TUBB8: variants seen among roughly 807,000 people sequenced by gnomAD.
The protein encoded by TUBB8 is tubulin beta 8 class VIII.
Under a neutral mutation model 33.7 loss-of-function variants are expected in TUBB8, and 25 were observed. The observed-to-expected ratio is 0.74, with a 90% CI of 0.54 to 1.04. The LOEUF is 1.04. Among genes scored for constraint, TUBB8 ranks in the 50% least tolerant of loss-of-function variants. The probability of loss-of-function intolerance (pLI) is 0.00; values close to 1 mark genes in which losing one functional copy is unlikely to be tolerated. For synonymous variants in TUBB8, 245 were observed against 240.1 expected (o/e 1.02, Z -0.19); for missense variants, 279 against 608.0 (o/e 0.46, Z 5.69).
chr10:64,256 T>C (rs1322816132), intron 1 of TUBB8, among the ~76,000 whole-genome samples: 3 of 151,886 alleles, frequency 2.0e-5, no homozygotes, highest in Non-Finnish European at 4.4e-5. Flanking sequence ...TTGGCTACCA[T>C]ATAAGTTTAT....
chr10:68,177 C>T (rs1230869304), intron 1 of TUBB8, among the ~76,000 whole-genome samples: 9 of 152,118 alleles, frequency 5.9e-5, no homozygotes, highest in African/African-American at 1.2e-4. Context: ...CACGGCATAT[C>T]GTAATACTGA....
At chr10:66,278 C>T (rs1428548527) in intron 1 of TUBB8, among the ~76,000 whole-genome samples, 4 of 152,200 alleles carry the variant, frequency 2.6e-5, no homozygotes, top group African/African-American at 7.2e-5. Flanking sequence ...TAGTAAACTA[C>T]AACACAAAAT....
chr10:48,490 T>A (rs1214555641), intron 3 of TUBB8, 125 bp downstream of exon 3: 3 of 931,722 alleles, frequency 3.2e-6, no homozygotes, highest in Non-Finnish European at 5.1e-6. Flanking sequence ...GCGACTCGAC[T>A]CGGAGGATAG....
At chr10:53,437 C>A (rs1239947865), upstream of TUBB8, among the ~76,000 whole-genome samples, 29 of 149,588 alleles carry the variant, frequency 1.9e-4, no homozygotes, top group South Asian at 6.3e-4. Flanking sequence ...CACAATGAGG[C>A]TTTTAAATAA....
intron 1 of TUBB8, among the ~76,000 whole-genome samples, chr10:62,228 T>C (rs1554740978): frequency 6.6e-6 from 1 of 152,254 alleles, no homozygotes; most frequent in Non-Finnish European, 1.5e-5. Flanking sequence ...TATTATCTAA[T>C]TTATTGCTTT....
intron 1 of TUBB8, among the ~76,000 whole-genome samples, chr10:60,778 T>G (rs1297353344): frequency 3.3e-5 from 5 of 152,142 alleles, no homozygotes; most frequent in Non-Finnish European, 2.9e-5. Flanking sequence ...TATGCACACG[T>G]ATGTTTATTG....
intron 1 of TUBB8, among the ~76,000 whole-genome samples, chr10:54,791 C>G (rs1473590109): frequency 1.3e-5 from 2 of 152,162 alleles, no homozygotes; most frequent in African/African-American, 4.8e-5. Flanking sequence ...TGAAGTCTTG[C>G]TCTGTCACCC....
intron 1 of TUBB8, among the ~76,000 whole-genome samples, chr10:71,372 C>T (rs1307385676): frequency 1.3e-5 from 2 of 152,138 alleles, no homozygotes; most frequent in Non-Finnish European, 2.9e-5. Flanking sequence ...GTAGCTCACA[C>T]CTGTAATCCC....
chr10:74,182 C>A (rs1419567616), upstream of TUBB8: 1 of 150,566 alleles, frequency 6.6e-6, no homozygotes, highest in Non-Finnish European at 1.5e-5. Flanking sequence ...TTCGCGCGCG[C>A]GCGGCCCTCC....
chr10:61,826 C>G (rs782260532), intron 1 of TUBB8, among the ~76,000 whole-genome samples: 1 of 140,506 alleles, frequency 7.1e-6, no homozygotes, highest in Non-Finnish European at 1.6e-5. Flanking sequence ...AAGAATTGAT[C>G]TCTTTATTAT....
rs1834356116 is a variant in TUBB8 at position 47,424 on chromosome 10, A to G, written c.968T>C (p.Met323Thr). 2 of 1,612,166 alleles carry G rather than the reference A, an allele frequency of 1.2e-6. No homozygotes were observed. The highest frequency in any genetic ancestry group is 1.7e-6 in the Non-Finnish European group (2 of 1,179,912). The change falls in exon 4 of 4, where the codon ATG (methionine) becomes ACG (threonine). Residue 323 changes from methionine (M) to threonine (T), a missense_variant. Physicochemically the swap from Met to Thr is moderately conservative, Grantham distance 81 (BLOSUM62 -1). Around this residue, in one of 4 missense-constraint regions of TUBB8, gnomAD observed 123 missense variants for 228.9 expected, o/e 0.54. Coordinates refer to ENST00000568584, the MANE Select transcript of TUBB8 (RefSeq NM_177987.3). ...AAAIFRGRMP[M>T]REVDEQMFNI... ...GAACATTTGTTCATCCACCTCCCTC[A>G]TGGGCATGCGACCCCTGAAAATGGC...
rs1834341042 is a variant in TUBB8, at chr10:47,009, A to G, written c.*48T>C. Reference sequence around the variant, plus strand: ...TAGTGACACATGGCTGTCAGAACACAGTAAAGAATCCACACTGCTTCCCCC... The same window carrying G: ...TAGTGACACATGGCTGTCAGAACACGGTAAAGAATCCACACTGCTTCCCCC... On this transcript the variant is annotated 3_prime_UTR_variant, in exon 4 of 4. Coordinates refer to ENST00000568584, the MANE Select transcript of TUBB8 (RefSeq NM_177987.3). 2 of 660,270 alleles carry G rather than the reference A, an allele frequency of 3.0e-6. No individual in the cohort carries two copies. Among genetic ancestry groups the G allele is most frequent in the Non-Finnish European group, 5.3e-6 (2 of 379,380 alleles). 40.9% of individuals were successfully genotyped at this position (660,270 alleles called of 1,614,324 possible).
At chr10:49,315 C>T (rs558699368), upstream of TUBB8, 40 of 1,479,220 alleles carry the variant, frequency 2.7e-5, no homozygotes, top group East Asian at 8.4e-4. Flanking sequence ...CCGCCCTCCG[C>T]CAACGTTTAA....
intron 2 of TUBB8, 35 bp from the exon 3 acceptor site, chr10:48,760 G>C (rs367665531): frequency 6.2e-7 from 1 of 1,606,978 alleles, no homozygotes; most frequent in South Asian, 1.1e-5. Context: ...CGAGGGGAGG[G>C]CCGCGTTCCC....
At chr10:59,380 G>A (rs571019285) in intron 1 of TUBB8, among the ~76,000 whole-genome samples, 1 of 152,208 alleles carries the variant, frequency 6.6e-6, no homozygotes, top group Admixed American at 6.5e-5. Flanking sequence ...GTAGATATGG[G>A]GTTTTGCCAC....
At chr10:52,495 G>C (rs1398708745), upstream of TUBB8, among the ~76,000 whole-genome samples, 26 of 152,230 alleles carry the variant, frequency 1.7e-4, no homozygotes, top group African/African-American at 2.4e-5. Flanking sequence ...GACATCCTCA[G>C]AAAACAAGAG....
chr10:47,450 A>T lies in TUBB8; in HGVS notation c.942T>A (p.Ala314=), dbSNP rs1834356983. ...DPRHGRYLTA[A]AIFRGRMPMR... is the part of the protein sequence containing the mutation. The stretch of plus-strand genomic sequence containing the variant: ...TGGGCATGCGACCCCTGAAAATGGC[A>T]GCCGCCGTTAGGTAGCGGCCGTGAC... The change falls in exon 4 of 4, where the codon GCT becomes GCA. Residue 314 remains alanine (A), a synonymous_variant. Coordinates refer to ENST00000568584, the MANE Select transcript of TUBB8 (RefSeq NM_177987.3). 16 of 1,611,140 alleles carry T rather than the reference A, an allele frequency of 9.9e-6. No individual in the cohort carries two copies. Among genetic ancestry groups the T allele is most frequent in the Non-Finnish European group, 1.3e-5 (15 of 1,179,866 alleles).
At chr10:56,605 A>T (rs1554740184) in intron 1 of TUBB8, among the ~76,000 whole-genome samples, 1 of 150,008 alleles carries the variant, frequency 6.7e-6, no homozygotes. Flanking sequence ...GCACTTGTAG[A>T]TAACCAGGTC....
chr10:67,413 T>C (rs1354658515), intron 1 of TUBB8, among the ~76,000 whole-genome samples: 1 of 152,122 alleles, frequency 6.6e-6, no homozygotes, highest in African/African-American at 2.4e-5. Context: ...CATGTACAAG[T>C]TATTTTGTTG....
Sources: gnomAD v4.1 joint callset for allele counts (sites outside exome capture counted in the v4.1 genomes callset) on GRCh38, gnomAD v4.1.1 for gene constraint, gnomAD v4.1.1 regional missense constraint, MANE v1.5 for transcripts, NCBI Gene and HGNC (gene_info 2026-07-23, HGNC 2026-07-21) for gene names.